Variants in NRG1 observed in about 807,000 individuals in gnomAD.
NRG1 encodes neuregulin 1.
In NRG1, 18 loss-of-function variants were observed where a neutral mutation model predicts 63.8. The ratio of observed to expected loss-of-function variants is 0.28; its 90% CI spans 0.19 to 0.42. NRG1 has a LOEUF of 0.42. NRG1 is among the 10% of genes least tolerant of loss of function. NRG1 has a pLI of 1.00. For synonymous variants in NRG1, 302 were observed against 301.3 expected (o/e 1.00, Z -0.02); for missense variants, 762 against 814.7 (o/e 0.94, Z 0.79).
chr8:32,648,212 C>A (rs1854099809), intron 5 of NRG1: 3 of 1,614,086 alleles, frequency 1.9e-6, no homozygotes, highest in African/African-American at 1.3e-5. Flanking sequence ...CTGTTGTCTC[C>A]TTTGAACCAT....
chr8:32,467,889 C>A (rs1275477598), intron 1 of NRG1, among the ~76,000 whole-genome samples: 1 of 152,180 alleles, frequency 6.6e-6, no homozygotes, highest in Non-Finnish European at 1.5e-5. Flanking sequence ...TGTCCCTCTT[C>A]TTTGTGTGAA....
At chr8:32,082,121 C>T (rs532260313) in intron 1 of NRG1, among the ~76,000 whole-genome samples, 3 of 151,822 alleles carry the variant, frequency 2.0e-5, no homozygotes, top group Non-Finnish European at 2.9e-5. Flanking sequence ...AGCTTGTTGA[C>T]AAAAACCAGG....
intron 1 of NRG1, among the ~76,000 whole-genome samples, chr8:32,069,489 C>G (rs1207580228): frequency 6.6e-6 from 1 of 152,162 alleles, no homozygotes; most frequent in Non-Finnish European, 1.5e-5. Flanking sequence ...ATAGAACTTT[C>G]TAGCAATGGT....
intron 1 of NRG1, among the ~76,000 whole-genome samples, chr8:32,144,103 A>G (rs1836599129): frequency 6.6e-6 from 1 of 152,250 alleles, no homozygotes; most frequent in Admixed American, 6.5e-5. Flanking sequence ...GCCAATCGGC[A>G]GTGGAGACAG....
intron 1 of NRG1, among the ~76,000 whole-genome samples, chr8:32,480,019 G>A (rs1825051281): frequency 6.6e-6 from 1 of 152,122 alleles, no homozygotes; most frequent in Admixed American, 6.6e-5. Flanking sequence ...GACCCATACA[G>A]ATCTGTCAAA....
intron 1 of NRG1, among the ~76,000 whole-genome samples, chr8:31,731,927 G>T (rs1814114740): frequency 6.6e-6 from 1 of 152,214 alleles, no homozygotes; most frequent in Admixed American, 6.5e-5. Context: ...TGATACCTCT[G>T]TCATGGGGTT....
Position 31,907,932 on chromosome 8 carries a change from C to T in NRG1, c.37+268501C>T, listed in dbSNP as rs528011598. ...TTTTTAGCACAGAGCTTTGTACATA[C>T]GAAGTTCTCAACTAATGTCTGTTAA... On this transcript the variant is annotated intron_variant, in intron 1 of 10. Transcript: ENST00000519301. Among the ~76,000 whole-genome samples, 35 of 152,148 alleles carry T rather than the reference C, an allele frequency of 2.3e-4. No individual in the cohort carries two copies. In the South Asian group the frequency reaches 7.3e-3, roughly 32 times the overall value.
At position 31,843,603 on chromosome 8, in the gene NRG1, G is replaced by A. The variant is rs141900686; in HGVS notation, c.37+204172G>A. ...TTGATCCTATAGAGTTTGGGGGAGGGCTGAACAACAGTTTCATTGACGTGA... is the reference window on the plus strand; with the variant it reads ...TTGATCCTATAGAGTTTGGGGGAGGACTGAACAACAGTTTCATTGACGTGA... On this transcript the variant is annotated intron_variant, in intron 1 of 10. Coordinates refer to the NRG1 transcript ENST00000519301. Among the ~76,000 whole-genome samples the A allele has an allele frequency of 3.8e-3, 572 of 152,206 alleles. 1 individual carries two copies. The highest frequency in any genetic ancestry group is 0.024 in the Middle Eastern group (7 of 294).
intron 2 of NRG1, among the ~76,000 whole-genome samples, chr8:32,605,132 G>A (rs1845050571): frequency 1.3e-5 from 2 of 152,114 alleles, no homozygotes; most frequent in Admixed American, 1.3e-4. Context: ...CTAACCTTCA[G>A]TAAGTGTCCT....
At chr8:32,049,481 C>A (rs1394955018) in intron 1 of NRG1, among the ~76,000 whole-genome samples, 1 of 152,042 alleles carries the variant, frequency 6.6e-6, no homozygotes, top group Non-Finnish European at 1.5e-5. Flanking sequence ...TAAGGTGTCA[C>A]AGATTTAATC....
In NRG1 at chr8:32,647,635, A is replaced by T. The variant is rs1853903995; in HGVS notation, c.502+30750A>T. The T allele has an allele frequency of 4.1e-6, 6 of 1,481,334 alleles. No homozygotes were observed. The South Asian group carries it at 8.7e-5, about 21-fold the overall frequency. The allele number at this position is 1,481,334 out of a possible 1,614,324, so 91.8% of individuals were successfully genotyped here. A position where few individuals can be genotyped will look rare whatever the true frequency, so the allele number is the denominator to read the frequency against. On this transcript the variant is annotated intron_variant, in intron 5 of 11. Coordinates refer to ENST00000356819, the Ensembl canonical transcript of NRG1. ...GACGATTTATCGATTTCCCCCTGTAAGATGCTGTATCATTTGGTTGGGGGG... is the reference window on the plus strand; with the variant it reads ...GACGATTTATCGATTTCCCCCTGTATGATGCTGTATCATTTGGTTGGGGGG...
chr8:32,392,946 T>G (rs1811966614), intron 1 of NRG1, among the ~76,000 whole-genome samples: 1 of 152,114 alleles, frequency 6.6e-6, no homozygotes, highest in Non-Finnish European at 1.5e-5. Flanking sequence ...CTGCTCCCAT[T>G]ATGCCAGGCC....
At chr8:31,728,812 G>A (rs556553084) in intron 1 of NRG1, among the ~76,000 whole-genome samples, 70 of 152,236 alleles carry the variant, frequency 4.6e-4, no homozygotes, top group African/African-American at 1.5e-3. Context: ...TCTTGTTTAT[G>A]ATACTATTTC....
intron 5 of NRG1, among the ~76,000 whole-genome samples, chr8:32,666,451 A>G (rs1371149558): frequency 6.6e-6 from 1 of 152,172 alleles, no homozygotes; most frequent in African/African-American, 2.4e-5. Flanking sequence ...TTCATTTTCA[A>G]ACTTGCAAAT....
rs191937465 is a variant in NRG1 at position 31,800,909 on chromosome 8, C to T, written c.37+161478C>T. On this transcript the variant is annotated intron_variant, in intron 1 of 10. Transcript: ENST00000519301. ...AGGCTGGAGTGCAGTGGTGCGATCT[C>T]GGTTCACTGCAAGCTCCACCTTCCA... 3.7e-5 allele frequency among the ~76,000 whole-genome samples: 5 copies of T among 135,314 alleles called. No homozygotes were observed. The East Asian group carries it at 1.0e-3, about 28-fold the overall frequency. 88.8% of individuals were successfully genotyped at this position (135,314 alleles called of 152,430 possible).
At position 32,384,004 on chromosome 8, in the gene NRG1, G is replaced by T. The variant is rs1364555552; in HGVS notation, c.38-211824G>T. On this transcript the variant is annotated intron_variant, in intron 1 of 10. Transcript: ENST00000519301. ...AATCCCAGCATTTTGGGAGGCCAAG[G>T]AGGGAGGATCACTTGAGCCCAGGAG... is the stretch of plus-strand genomic sequence containing the variant. Among the ~76,000 whole-genome samples the T allele has an allele frequency of 5.9e-5, 9 of 152,224 alleles. No homozygotes were observed. In the East Asian group the frequency reaches 1.7e-3, roughly 29 times the overall value.
chr8:32,754,298 C>G, intron 7 of NRG1, 74 bp from the exon 8 acceptor site: 5 of 1,226,600 alleles, frequency 4.1e-6, no homozygotes, highest in Non-Finnish European at 6.0e-6. Context: ...ATGCAGCATG[C>G]CCACTGTTTG....
intron 1 of NRG1, among the ~76,000 whole-genome samples, chr8:32,483,833 G>A (rs779942125): frequency 3.3e-5 from 5 of 152,236 alleles, no homozygotes; most frequent in Non-Finnish European, 7.4e-5. Context: ...GGCCAGGTGC[G>A]GTGGCTCACG....
intron 1 of NRG1, among the ~76,000 whole-genome samples, chr8:32,537,600 C>G (rs958200270): frequency 6.6e-6 from 1 of 152,190 alleles, no homozygotes; most frequent in African/African-American, 2.4e-5. Flanking sequence ...GCAGGAGCAG[C>G]AGCAGCTGGA....
Sources: allele counts gnomAD v4.1 joint callset (sites outside exome capture counted in the v4.1 genomes callset), GRCh38; gene constraint gnomAD v4.1.1; transcripts MANE v1.5; gene names NCBI Gene and HGNC (gene_info 2026-07-23, HGNC 2026-07-21).